Variants in ASTN2 observed in about 807,000 individuals in gnomAD.
ASTN2 encodes the protein astrotactin 2, also known as astrotactin-2.
In ASTN2, 54 loss-of-function variants were observed where a neutral mutation model predicts 139.8. The observed-to-expected ratio is 0.39, with a 90% CI of 0.31 to 0.48. The LOEUF (loss-of-function observed/expected upper bound fraction) is 0.48, where lower values mean the gene tolerates loss of function less well. Ranked by LOEUF, ASTN2 falls within the 20% of genes least tolerant of loss-of-function variation. The pLI, the probability that ASTN2 is intolerant of heterozygous loss-of-function variation, is 0.95. For synonymous variants in ASTN2, 756 were observed against 719.5 expected, an observed-to-expected ratio of 1.05 and a Z score of -0.81; for missense variants, 1,565 against 1,725.1, an observed-to-expected ratio of 0.91 and a Z score of 1.64.
At chr9:117,181,753 G>A (rs2132946982) in intron 3 of ASTN2, among the ~76,000 whole-genome samples, 1 of 152,320 alleles carries the variant, frequency 6.6e-6, no homozygotes, top group East Asian at 1.9e-4. Context: ...CAAGTACAAA[G>A]CATAGCACTT....
At chr9:117,113,521 T>C (rs891349482) in intron 4 of ASTN2, among the ~76,000 whole-genome samples, 2 of 152,136 alleles carry the variant, frequency 1.3e-5, no homozygotes, top group South Asian at 2.1e-4. Context: ...CCAGGCATGG[T>C]GGCAGGTGCC....
chr9:117,346,010 CAA>C (rs35773511), intron 1 of ASTN2, among the ~76,000 whole-genome samples: 137 of 92,250 alleles, frequency 1.5e-3, no homozygotes, highest in East Asian at 2.0e-3. Context: ...AACTAAGAGG[CAA>C]AAAAAAAAAA....
At chr9:116,556,870 A>G (rs1335364954) in intron 19 of ASTN2, among the ~76,000 whole-genome samples, 1 of 152,206 alleles carries the variant, frequency 6.6e-6, no homozygotes, top group Admixed American at 6.5e-5. Context: ...ATATGTGTAC[A>G]TTATATTATT....
intron 5 of ASTN2, among the ~76,000 whole-genome samples, chr9:117,061,590 G>A (rs1194103838): frequency 2.0e-5 from 3 of 152,080 alleles, no homozygotes; most frequent in Non-Finnish European, 2.9e-5. Context: ...CCCTCAACAC[G>A]TGGGAGGGAG....
At chr9:116,907,594 G>A (rs1295928523) in intron 10 of ASTN2, among the ~76,000 whole-genome samples, 7 of 152,198 alleles carry the variant, frequency 4.6e-5, no homozygotes, top group Admixed American at 2.0e-4. Context: ...TGCATTTCAG[G>A]AGCAGAGTGT....
chr9:116,696,620 C>G (rs73515222), intron 16 of ASTN2, among the ~76,000 whole-genome samples: 6,225 of 152,196 alleles, frequency 0.041, 421 homozygotes, highest in African/African-American at 0.14. Context: ...TGGAATGACT[C>G]CTCAACCCCC....
At chr9:116,924,773 TG>T (rs1834710027) in intron 10 of ASTN2, among the ~76,000 whole-genome samples, 1 of 152,196 alleles carries the variant, frequency 6.6e-6, no homozygotes, top group Admixed American at 6.5e-5. Flanking sequence ...TGGTGGGATT[TG>T]GATAGCTTCT....
intron 3 of ASTN2, among the ~76,000 whole-genome samples, chr9:117,212,820 T>G (rs1832183113): frequency 6.6e-6 from 1 of 152,124 alleles, no homozygotes; most frequent in African/African-American, 2.4e-5. Context: ...AAAAGAAAAC[T>G]CATACACTGT....
intron 2 of ASTN2, among the ~76,000 whole-genome samples, chr9:117,214,947 ACTT>A (rs751355506): frequency 1.1e-4 from 16 of 152,136 alleles, no homozygotes; most frequent in Non-Finnish European, 1.6e-4. Flanking sequence ...CCCTAGGCAA[ACTT>A]CTTCACTTCT....
chr9:117,353,655 C>A (rs1179704631), intron 1 of ASTN2, among the ~76,000 whole-genome samples: 1 of 152,126 alleles, frequency 6.6e-6, no homozygotes, highest in African/African-American at 2.4e-5. Flanking sequence ...CAACCTCCAA[C>A]CTGTTTTCCT....
chr9:116,620,413 A>G lies in ASTN2; in HGVS notation c.3103T>C (p.Trp1035Arg). 1.2e-6 allele frequency: 2 copies of G among 1,614,218 alleles called. No individual in the cohort carries two copies. Among genetic ancestry groups the G allele is most frequent in the Non-Finnish European group, 8.5e-7 (1 of 1,180,016 alleles). Reference sequence around the variant, plus strand: ...ATCACATCCCCTTTCCCTGAGCACCAGTAGGAACTCATCAGTGCACTCTTG... The same window carrying G: ...ATCACATCCCCTTTCCCTGAGCACCGGTAGGAACTCATCAGTGCACTCTTG... ...AFKSALMSSY[W>R]CSGKGDVIDD... Residue 1035 changes from tryptophan (W) to arginine (R), a missense_variant, in exon 18 of 23, where the codon TGG becomes CGG. Around this residue, in one of 4 missense-constraint regions of ASTN2, gnomAD observed 418 missense variants for 465.8 expected, o/e 0.90. Transcript: ENST00000313400.
At chr9:116,854,057 T>G (rs1203151217) in intron 11 of ASTN2, among the ~76,000 whole-genome samples, 1 of 152,222 alleles carries the variant, frequency 6.6e-6, no homozygotes, top group Admixed American at 6.5e-5. Flanking sequence ...TTGGCCCAAT[T>G]TGGCCCGAAT....
At chr9:116,893,291 A>C (rs1338632505) in intron 10 of ASTN2, among the ~76,000 whole-genome samples, 1 of 152,146 alleles carries the variant, frequency 6.6e-6, no homozygotes, top group African/African-American at 2.4e-5. Context: ...TTTCAAACAC[A>C]TTATTTTCAT....
intron 13 of ASTN2, among the ~76,000 whole-genome samples, chr9:116,797,313 C>T (rs969787691): frequency 6.6e-6 from 1 of 152,142 alleles, no homozygotes; most frequent in Non-Finnish European, 1.5e-5. Context: ...CTTTCTGATT[C>T]CAGCCCCTAT....
intron 5 of ASTN2, among the ~76,000 whole-genome samples, chr9:117,055,359 G>A (rs1399691065): frequency 6.6e-6 from 1 of 152,184 alleles, no homozygotes; most frequent in Non-Finnish European, 1.5e-5. Context: ...GCTCATGCCT[G>A]TAATCCCAAC....
chr9:116,729,186 C>T (rs1471256335), intron 14 of ASTN2, 90 bp from the exon 15 acceptor site: 3 of 970,486 alleles, frequency 3.1e-6, no homozygotes, highest in African/African-American at 1.6e-5. Flanking sequence ...CTCTGGGAAA[C>T]AGACACCTCT....
At chr9:117,401,959 G>A (rs1370195875) in intron 1 of ASTN2, among the ~76,000 whole-genome samples, 1 of 152,212 alleles carries the variant, frequency 6.6e-6, no homozygotes, top group Non-Finnish European at 1.5e-5. Flanking sequence ...GGACAGAGAA[G>A]GGAGAGGCAG....
At chr9:116,977,478 AT>A (rs1258004239) in intron 7 of ASTN2, among the ~76,000 whole-genome samples, 2 of 148,960 alleles carry the variant, frequency 1.3e-5, no homozygotes, top group African/African-American at 2.5e-5. Context: ...ACCATCCATT[AT>A]TTTTTTTTCT....
chr9:117,074,604 G>A (rs1196700205), intron 5 of ASTN2, among the ~76,000 whole-genome samples: 1 of 152,184 alleles, frequency 6.6e-6, no homozygotes, highest in Non-Finnish European at 1.5e-5. Context: ...CAGGCAGGAT[G>A]CGCTGTCAGA....
Sources: gnomAD v4.1 joint callset for allele counts (sites outside exome capture counted in the v4.1 genomes callset) on GRCh38, gnomAD v4.1.1 for gene constraint, gnomAD v4.1.1 regional missense constraint, MANE v1.5 for transcripts, NCBI Gene and HGNC (gene_info 2026-07-23, HGNC 2026-07-21) for gene names.